Variants in PSG11 observed in about 807,000 individuals in gnomAD.
PSG11 encodes pregnancy-specific beta-1-glycoprotein 11.
In PSG11, 42 loss-of-function variants were observed where a neutral mutation model predicts 36.0. The observed-to-expected ratio is 1.17, with a 90% CI of 0.91 to 1.51. The LOEUF is 1.51. PSG11 is among the 40% of genes most tolerant of loss of function. PSG11 has a pLI of 0.00. For missense variants in PSG11, 558 were observed against 403.5 expected, an observed-to-expected ratio of 1.38 and a Z score of -3.28; for synonymous variants, 206 against 153.5, an observed-to-expected ratio of 1.34 and a Z score of -2.53.
At chr19:43,013,502 G>A (rs1175425072) in intron 4 of PSG11, among the ~76,000 whole-genome samples, 3 of 151,350 alleles carry the variant, frequency 2.0e-5, no homozygotes, top group Non-Finnish European at 4.4e-5. Flanking sequence ...ATAAGCCCAT[G>A]CAAAGTTCCT....
intron 4 of PSG11, among the ~76,000 whole-genome samples, chr19:43,012,985 G>C (rs1974112386): frequency 6.6e-6 from 1 of 151,380 alleles, no homozygotes; most frequent in Admixed American, 6.6e-5. Flanking sequence ...TGCATATATG[G>C]CCAAATGATT....
intron 4 of PSG11, chr19:43,014,656 A>G (rs1482025175): frequency 1.8e-6 from 2 of 1,123,894 alleles, no homozygotes; most frequent in Non-Finnish European, 2.2e-6. Context: ...GCAGAGTCTG[A>G]GCTGCTCCTC....
intron 4 of PSG11, among the ~76,000 whole-genome samples, chr19:43,013,566 C>A (rs1313464651): frequency 1.3e-5 from 2 of 151,194 alleles, no homozygotes; most frequent in East Asian, 3.9e-4. Flanking sequence ...GTTACACCAC[C>A]TCACAAAATT....
chr19:43,023,854 TCA>T (rs1310683686), intron 2 of PSG11, among the ~76,000 whole-genome samples: 1 of 151,422 alleles, frequency 6.6e-6, no homozygotes, highest in African/African-American at 2.4e-5. Context: ...GTTAAATTAT[TCA>T]CAGTCACCTG....
Position 43,024,747 on chromosome 19 carries a change from A to G in PSG11, c.374T>C (p.Ile125Thr), listed in dbSNP as rs1967195217. Residue 125 changes from isoleucine to threonine, a missense_variant, in exon 2 of 6, where the codon ATA becomes ACA. Coordinates refer to ENST00000320078, the MANE Select transcript of PSG11 (RefSeq NM_002785.3). The part of the protein sequence containing the change: ...EDAGSYTLHI[I>T]KRGDGTRGVT... ...TCCTCTAGTCCCATCACCTCGCTTT[A>G]TGATGTGTAAGGTGTAGGATCCTGC... The G allele has an allele frequency of 1.9e-6, 3 of 1,611,728 alleles. No homozygotes were observed. Among genetic ancestry groups the G allele is most frequent in the African/African-American group, 1.3e-5 (1 of 74,426 alleles).
chr19:43,011,184 C>G lies in PSG11; in HGVS notation c.965-1143G>C, dbSNP rs1347414205. 2.0e-5 allele frequency among the ~76,000 whole-genome samples: 3 copies of G among 151,248 alleles called. 1 individual carries two copies. The highest frequency in any genetic ancestry group is 4.4e-5 in the Non-Finnish European group (3 of 67,872). On this transcript the variant is annotated intron_variant, in intron 4 of 5. Coordinates refer to ENST00000320078, the MANE Select transcript of PSG11 (RefSeq NM_002785.3). ...AATATAGTAGCTGACATTGGTTCCT[C>G]TGTATGTGGCATCTTGTTTCATTGA...
rs1048518747 is a variant in PSG11 at position 43,009,980 on chromosome 19, A to G, written c.*18T>C. The G allele has an allele frequency of 6.2e-7, 1 of 1,603,116 alleles. No homozygotes were observed. Among genetic ancestry groups the G allele is most frequent in the Middle Eastern group, 1.7e-4 (1 of 6,038 alleles). On this transcript the variant is annotated 3_prime_UTR_variant, in exon 5 of 6. Transcript: ENST00000320078. The stretch of plus-strand genomic sequence containing the variant: ...TACCTGCCAGTCTTCCTGAAATACA[A>G]AAATGACATCACGGCTGCTACGTTG...
Position 43,015,232 on chromosome 19 carries a change from C to G in PSG11, c.848G>C (p.Gly283Ala). The change falls in exon 4 of 6, where the codon GGA becomes GCA. Residue 283 changes from glycine (G) to alanine (A), a missense_variant. Coordinates refer to ENST00000320078, the MANE Select transcript of PSG11 (RefSeq NM_002785.3). The part of the protein sequence containing the change: ...WTINGKFQLS[G>A]QKLFIPQITP... ...AATCTGAGGGATAAAGAGCTTTTGT[C>G]CTGATAGCTGAAACTTCCCATTAAT... The G allele has an allele frequency of 1.2e-6, 2 of 1,611,606 alleles. No homozygotes were observed. The highest frequency in any genetic ancestry group is 1.7e-6 in the Non-Finnish European group (2 of 1,178,630).
chr19:43,015,184 T>C lies in PSG11; in HGVS notation c.896A>G (p.Tyr299Cys), dbSNP rs1278395893. The C allele has an allele frequency of 6.2e-7, 1 of 1,611,342 alleles. No individual in the cohort carries two copies. The highest frequency in any genetic ancestry group is 8.5e-7 in the Non-Finnish European group (1 of 1,178,374). Residue 299 changes from tyrosine (Y) to cysteine (C), a missense_variant, in exon 4 of 6, where the codon TAT (tyrosine) becomes TGT (cysteine). Physicochemically the swap from Tyr to Cys is radical, Grantham distance 194 (BLOSUM62 -2). Transcript: ENST00000320078. ...PQITPKHNGL[Y>C]ACSARNSATG... is the part of the protein sequence containing the mutation. ...GGCTGAGTTACGAGCAGAGCAAGCATAGAGCCCATTATGCTTTGGAGTAAT... is the reference window on the plus strand; with the variant it reads ...GGCTGAGTTACGAGCAGAGCAAGCACAGAGCCCATTATGCTTTGGAGTAAT...
At chr19:43,013,067 G>A (rs886305685) in intron 4 of PSG11, among the ~76,000 whole-genome samples, 1 of 151,304 alleles carries the variant, frequency 6.6e-6, no homozygotes. Context: ...GGGAAAGCTG[G>A]ATATCCAAGG....
chr19:43,013,884 G>T (rs1161002015), intron 4 of PSG11, among the ~76,000 whole-genome samples: 1 of 151,436 alleles, frequency 6.6e-6, no homozygotes, highest in Non-Finnish European at 1.5e-5. Flanking sequence ...TCCATTGAAA[G>T]ATAAGTGTGT....
intron 2 of PSG11, among the ~76,000 whole-genome samples, chr19:43,022,867 T>C (rs1435439505): frequency 4.0e-5 from 6 of 150,420 alleles, no homozygotes; most frequent in African/African-American, 1.2e-4. Flanking sequence ...GGCCACAGTG[T>C]TAGCGGGAAG....
Position 43,016,717 on chromosome 19 carries a change from A to T in PSG11, c.710-1347T>A, listed in dbSNP as rs187446578. 2.4e-4 allele frequency among the ~76,000 whole-genome samples: 36 copies of T among 151,682 alleles called. No individual in the cohort carries two copies. The East Asian group carries it at 6.4e-3, about 27-fold the overall frequency. On this transcript the variant is annotated intron_variant, in intron 3 of 5. Coordinates refer to ENST00000320078, the MANE Select transcript of PSG11 (RefSeq NM_002785.3). ...TAGAGCAGAGCGCAAGGAATGATCT[A>T]GGAAGAGTGAAGGGGATAGGCAAGA...
chr19:43,008,765 G>A (rs570709620), intron 5 of PSG11, among the ~76,000 whole-genome samples: 4 of 151,024 alleles, frequency 2.6e-5, no homozygotes, highest in Non-Finnish European at 5.9e-5. Context: ...GGGCCAAAAA[G>A]GTATAGTCTT....
chr19:43,019,165 C>G, intron 2 of PSG11, 117 bp from the exon 3 acceptor site: 2 of 1,525,332 alleles, frequency 1.3e-6, no homozygotes, highest in South Asian at 2.6e-5. Flanking sequence ...CCTAAAAGCC[C>G]ATGGCAGGTG....
intron 3 of PSG11, among the ~76,000 whole-genome samples, chr19:43,018,099 C>T (rs1245429240): frequency 3.3e-5 from 5 of 151,188 alleles, no homozygotes; most frequent in Non-Finnish European, 7.4e-5. Context: ...TGCCAATGCT[C>T]CAGGGATCCA....
intron 2 of PSG11, among the ~76,000 whole-genome samples, chr19:43,020,342 T>A (rs566567927): frequency 6.6e-6 from 1 of 151,554 alleles, no homozygotes; most frequent in African/African-American, 2.4e-5. Flanking sequence ...TGAGCACTTC[T>A]TTTTAGCATC....
chr19:43,014,695 T>C lies in PSG11; in HGVS notation c.964+421A>G, dbSNP rs1016617879. The stretch of plus-strand genomic sequence containing the variant: ...CACCCAAGGGGCTTCCTCCTCTCAT[T>C]TGGGGGAAAAGTGTGAGCTTGTTTC... On this transcript the variant is annotated intron_variant, in intron 4 of 5. Transcript: ENST00000320078. 5.1e-5 allele frequency: 60 copies of C among 1,181,156 alleles called. 1 individual carries two copies. Among genetic ancestry groups the C allele is most frequent in the Admixed American group, 1.7e-4 (4 of 24,066 alleles). 73.2% of individuals were successfully genotyped at this position (1,181,156 alleles called of 1,614,324 possible). A position where few individuals can be genotyped will look rare whatever the true frequency, so the allele number is the denominator to read the frequency against.
intron 1 of PSG11, chr19:43,025,296 C>T (rs1967216448): frequency 1.4e-5 from 10 of 718,130 alleles, no homozygotes; most frequent in Non-Finnish European, 1.9e-5. Context: ...ATTCCTTCAA[C>T]ACTTCTGACC....
Sources: allele counts gnomAD v4.1 joint callset (sites outside exome capture counted in the v4.1 genomes callset), GRCh38; gene constraint gnomAD v4.1.1; transcripts MANE v1.5; gene names NCBI Gene and HGNC (gene_info 2026-07-23, HGNC 2026-07-21).